Variants in SLC4A10 observed in about 807,000 individuals in gnomAD.
SLC4A10 encodes the protein sodium-driven chloride bicarbonate exchanger.
Under a neutral mutation model 137.7 loss-of-function variants are expected in SLC4A10, and 42 were observed. That is an observed-to-expected ratio of 0.30 (90% confidence interval 0.24 to 0.39). The LOEUF (loss-of-function observed/expected upper bound fraction) is 0.39, where lower values mean the gene tolerates loss of function less well. Ranked by LOEUF, SLC4A10 falls within the 10% of genes least tolerant of loss-of-function variation. SLC4A10 has a pLI of 1.00. For missense variants in SLC4A10, 925 were observed against 1,355.0 expected (o/e 0.68, Z 4.98); for synonymous variants, 474 against 464.1 (o/e 1.02, Z -0.27).
At chr2:161,817,918 C>T (rs987237358) in intron 3 of SLC4A10, among the ~76,000 whole-genome samples, 2 of 151,628 alleles carry the variant, frequency 1.3e-5, no homozygotes, top group Non-Finnish European at 2.9e-5. Flanking sequence ...TAGCGTGATG[C>T]CTCCAGCTTT....
At position 161,624,436 on chromosome 2, in the gene SLC4A10, C is replaced by A. The variant is rs899759983; in HGVS notation, c.-83C>A. 5 of 1,547,172 alleles carry A rather than the reference C, an allele frequency of 3.2e-6. No individual in the cohort carries two copies. In the African/African-American group the frequency reaches 6.9e-5, roughly 21 times the overall value. ...GCTTCAGAGCTACCTGATCCGAATA[C>A]TAAGCAGAGCGAGTGCCGGGCTGAG... On this transcript the variant is annotated 5_prime_UTR_variant, in exon 1 of 27. Coordinates refer to ENST00000446997, the MANE Select transcript of SLC4A10 (RefSeq NM_001178015.2).
intron 2 of SLC4A10, among the ~76,000 whole-genome samples, chr2:161,774,028 C>A (rs2052007464): frequency 6.6e-6 from 1 of 151,800 alleles, no homozygotes; most frequent in African/African-American, 2.4e-5. Context: ...TGGACTGAGT[C>A]TTTCCCATTA....
chr2:161,983,103 T>A, intron 26 of SLC4A10, 76 bp from the exon 27 acceptor site: 3 of 1,382,640 alleles, frequency 2.2e-6, no homozygotes, highest in Non-Finnish European at 3.0e-6. Context: ...TGACGGGTTT[T>A]ATGTCTGAGC....
In SLC4A10 at chr2:161,860,137, T is replaced by A. The variant is rs531211527; in HGVS notation, c.578-2737T>A. Among the ~76,000 whole-genome samples, 14 of 152,322 alleles carry A rather than the reference T, an allele frequency of 9.2e-5. No individual in the cohort carries two copies. The East Asian group carries it at 2.5e-3, about 27-fold the overall frequency. ...GTATAAATTATATTCTTAAGCAAAA[T>A]GAGTAATTTTTTCCAGACAAGTAGA... On this transcript the variant is annotated intron_variant, in intron 5 of 26. Coordinates refer to ENST00000446997, the MANE Select transcript of SLC4A10 (RefSeq NM_001178015.2).
intron 1 of SLC4A10, among the ~76,000 whole-genome samples, chr2:161,766,814 C>G (rs2050852327): frequency 6.6e-6 from 1 of 151,280 alleles, no homozygotes; most frequent in African/African-American, 2.4e-5. Context: ...GCTGTGAATC[C>G]TGTTTTATTT....
chr2:161,891,881 G>T (rs2062963253), intron 10 of SLC4A10, among the ~76,000 whole-genome samples: 1 of 151,750 alleles, frequency 6.6e-6, no homozygotes, highest in African/African-American at 2.4e-5. Context: ...GCAGCATTCT[G>T]GTTTTTGGAA....
At chr2:161,660,052 CT>C (rs2038083131) in intron 1 of SLC4A10, among the ~76,000 whole-genome samples, 1 of 147,134 alleles carries the variant, frequency 6.8e-6, no homozygotes, top group Non-Finnish European at 1.5e-5. Flanking sequence ...CACAGAGTTT[CT>C]TTTGGGGGGT....
chr2:161,963,149 T>C (rs2105904676), intron 21 of SLC4A10, among the ~76,000 whole-genome samples: 1 of 152,230 alleles, frequency 6.6e-6, no homozygotes, highest in African/African-American at 2.4e-5. Context: ...TGCAGTATGA[T>C]TTGTTAGTAA....
At chr2:161,972,752 A>G (rs1411563583) in intron 23 of SLC4A10, among the ~76,000 whole-genome samples, 1 of 152,146 alleles carries the variant, frequency 6.6e-6, no homozygotes, top group Non-Finnish European at 1.5e-5. Flanking sequence ...TGGCATCTCC[A>G]TTATCCCGAA....
At chr2:161,627,014 G>A (rs1246134724) in intron 1 of SLC4A10, among the ~76,000 whole-genome samples, 3 of 152,056 alleles carry the variant, frequency 2.0e-5, no homozygotes, top group African/African-American at 7.2e-5. Flanking sequence ...TATTGGGAAA[G>A]TTATAAGTTA....
chr2:161,859,071 T>TCCCCA (rs1424155054), intron 5 of SLC4A10, among the ~76,000 whole-genome samples: 1 of 152,034 alleles, frequency 6.6e-6, no homozygotes, highest in Admixed American at 6.6e-5. Flanking sequence ...CCCCCACCTC[T>TCCCCA]CCCAATATCT....
intron 10 of SLC4A10, among the ~76,000 whole-genome samples, chr2:161,889,733 CT>C (rs2062714964): frequency 6.6e-6 from 1 of 152,112 alleles, no homozygotes; most frequent in Non-Finnish European, 1.5e-5. Flanking sequence ...AAAAAACCAG[CT>C]CTTGGATTCA....
intron 15 of SLC4A10, among the ~76,000 whole-genome samples, chr2:161,924,664 A>G (rs974995386): frequency 4.6e-5 from 7 of 152,182 alleles, no homozygotes; most frequent in Non-Finnish European, 7.3e-5. Flanking sequence ...CACGTAGGTA[A>G]CTAACGTCCA....
chr2:161,625,066 CGTGTGTGTGTGTGTGTGTGT>C (rs5835872), intron 1 of SLC4A10, among the ~76,000 whole-genome samples: 4 of 144,204 alleles, frequency 2.8e-5, no homozygotes, highest in Admixed American at 6.9e-5. Flanking sequence ...ACAGAAGGAT[CGTGTGTGTGTGTGTGTGTGT>C]GTGTGTGTGT....
chr2:161,960,296 G>A (rs1273412845), intron 21 of SLC4A10, among the ~76,000 whole-genome samples: 2 of 150,468 alleles, frequency 1.3e-5, no homozygotes, highest in African/African-American at 2.4e-5. Context: ...CCTGGGAGGC[G>A]GAGGTTGCAG....
intron 23 of SLC4A10, among the ~76,000 whole-genome samples, chr2:161,968,958 C>G (rs1459167435): frequency 1.3e-5 from 2 of 152,138 alleles, no homozygotes; most frequent in Non-Finnish European, 2.9e-5. Context: ...TATACTAAGG[C>G]CCAGTCTTCT....
intron 2 of SLC4A10, among the ~76,000 whole-genome samples, chr2:161,801,563 G>C (rs1559280291): frequency 6.6e-6 from 1 of 152,016 alleles, no homozygotes; most frequent in East Asian, 1.9e-4. Context: ...AATTACAGGA[G>C]AGAAGACAGT....
rs76534272 is a variant in SLC4A10, at chr2:161,790,090, G to C, written c.131-14359G>C. 6.4e-3 allele frequency among the ~76,000 whole-genome samples: 981 copies of C among 152,240 alleles called. 8 individuals are homozygous for C. Among genetic ancestry groups the C allele is most frequent in the Non-Finnish European group, 0.011 (763 of 68,000 alleles). ...TGATTCAAACCCACAAGGAAGACTT[G>C]TACATATTTATTGACTTTTTCATGA... On this transcript the variant is annotated intron_variant, in intron 2 of 26. Transcript: ENST00000446997.
At chr2:161,841,319 C>T (rs1055654026) in intron 4 of SLC4A10, among the ~76,000 whole-genome samples, 4 of 152,118 alleles carry the variant, frequency 2.6e-5, no homozygotes, top group Non-Finnish European at 5.9e-5. Context: ...CTCAAGTCCT[C>T]TACCTGCCTC....
Sources: allele counts gnomAD v4.1 joint callset (sites outside exome capture counted in the v4.1 genomes callset), GRCh38; gene constraint gnomAD v4.1.1; transcripts MANE v1.5; gene names NCBI Gene and HGNC (gene_info 2026-07-23, HGNC 2026-07-21).